Variants in RFPL2 observed in about 807,000 individuals in gnomAD.
RFPL2 encodes ret finger protein-like 2.
RFPL2 carries 13 observed loss-of-function variants against 17.8 expected under a neutral mutation model. That is an observed-to-expected ratio of 0.73 (90% confidence interval 0.47 to 1.16). The LOEUF (loss-of-function observed/expected upper bound fraction) is 1.16, where lower values mean the gene tolerates loss of function less well. Among genes scored for constraint, RFPL2 ranks in the 50% most tolerant of loss-of-function variants. RFPL2 has a pLI of 0.00. For synonymous variants in RFPL2, 189 were observed against 180.9 expected, an observed-to-expected ratio of 1.04 and a Z score of -0.36; for missense variants, 431 against 479.3, an observed-to-expected ratio of 0.90 and a Z score of 0.94.
At chr22:32,195,823 C>A (rs976587369) in intron 2 of RFPL2, among the ~76,000 whole-genome samples, 1 of 152,112 alleles carries the variant, frequency 6.6e-6, no homozygotes, top group African/African-American at 2.4e-5. Flanking sequence ...AATATGCAAT[C>A]ATGTATAAGT....
intron 2 of RFPL2, among the ~76,000 whole-genome samples, chr22:32,196,578 C>T (rs1480942534): frequency 2.0e-5 from 3 of 152,208 alleles, no homozygotes; most frequent in African/African-American, 7.2e-5. Flanking sequence ...TCCACATCCA[C>T]ATGTAAAGAC....
chr22:32,203,204 G>T, intron 1 of RFPL2: 1 of 603,348 alleles, frequency 1.7e-6, no homozygotes, highest in Non-Finnish European at 2.1e-6. Flanking sequence ...GGGCAGCGCA[G>T]CCCGGGATAA....
At chr22:32,194,593 C>T (rs1361982893) in intron 2 of RFPL2, 103 bp from the exon 3 acceptor site, 17 of 1,213,306 alleles carry the variant, frequency 1.4e-5, no homozygotes, top group Non-Finnish European at 1.9e-5. Context: ...ATTTTTCTTT[C>T]ATATGAAGGT....
chr22:32,199,750 G>C (rs1305836577), intron 2 of RFPL2, among the ~76,000 whole-genome samples: 1 of 152,224 alleles, frequency 6.6e-6, no homozygotes, highest in Non-Finnish European at 1.5e-5. Context: ...CTGAATGACA[G>C]AGATTTGTTT....
At chr22:32,202,040 C>A (rs1923967737) in intron 2 of RFPL2, among the ~76,000 whole-genome samples, 1 of 152,218 alleles carries the variant, frequency 6.6e-6, no homozygotes, top group Non-Finnish European at 1.5e-5. Context: ...GGCCGGGCTC[C>A]TTCCGGGGGC....
chr22:32,193,680 G>A (rs1246562442), intron 3 of RFPL2, among the ~76,000 whole-genome samples: 1 of 152,134 alleles, frequency 6.6e-6, no homozygotes, highest in Admixed American at 6.5e-5. Context: ...GACCAACATG[G>A]GGAAACCCCA....
chr22:32,196,776 G>A (rs2123784252), intron 2 of RFPL2, among the ~76,000 whole-genome samples: 1 of 152,314 alleles, frequency 6.6e-6, no homozygotes, highest in Non-Finnish European at 1.5e-5. Context: ...ATGTCAATGA[G>A]ACAGCAGCAT....
In RFPL2 at chr22:32,202,408, T is replaced by C. The variant is rs753786593; in HGVS notation, c.44A>G (p.Gln15Arg). 35 of 1,604,492 alleles carry C rather than the reference T, an allele frequency of 2.2e-5. No homozygotes were observed. Among genetic ancestry groups the C allele is most frequent in the Middle Eastern group, 1.7e-4 (1 of 6,046 alleles). Residue 15 changes from glutamine (Q) to arginine (R), a missense_variant, in exon 2 of 5, where the codon CAA becomes CGA. Coordinates refer to ENST00000652607, the MANE Select transcript of RFPL2 (RefSeq NM_001394555.1). Reference protein sequence around the residue: ...ELGFPETAVSQSRICLCAVLC... With the variant: ...ELGFPETAVSRSRICLCAVLC... ...TACAGCACATAGACAGATCCTGGATTGGGACACTGCAGTCTCTGGGAAGCC... is the reference window on the plus strand; with the variant it reads ...TACAGCACATAGACAGATCCTGGATCGGGACACTGCAGTCTCTGGGAAGCC...
intron 2 of RFPL2, among the ~76,000 whole-genome samples, chr22:32,195,913 C>T (rs1467416874): frequency 6.6e-6 from 1 of 152,044 alleles, no homozygotes; most frequent in South Asian, 2.1e-4. Context: ...CCGACCTCTC[C>T]CCAAGCTCCC....
chr22:32,200,021 G>A (rs1004744328), intron 2 of RFPL2: 5 of 466,170 alleles, frequency 1.1e-5, no homozygotes, highest in Admixed American at 5.1e-5. Flanking sequence ...GCTTCTACCC[G>A]GGAGCTGTGA....
At position 32,193,043 on chromosome 22, in the gene RFPL2, A is replaced by G; in HGVS notation, c.415T>C (p.Cys139Arg). 1 of 1,614,022 alleles carries G rather than the reference A, an allele frequency of 6.2e-7. No homozygotes were observed. Among genetic ancestry groups the G allele is most frequent in the Non-Finnish European group, 8.5e-7 (1 of 1,179,924 alleles). ...CGAGAGACCATGGAAGAGCAACAGC[A>G]AAGTAGATCCTCCCCATGGGGCTCC... ...QKEPHGEDLL[C>R]CCSSMVSRKN... Residue 139 changes from cysteine (C) to arginine (R), a missense_variant, in exon 4 of 5, where the codon TGC becomes CGC. By Grantham distance (180) the Cys-to-Arg change is radical. Coordinates refer to ENST00000652607, the MANE Select transcript of RFPL2 (RefSeq NM_001394555.1).
intron 2 of RFPL2, among the ~76,000 whole-genome samples, chr22:32,197,102 T>C (rs1450564848): frequency 6.6e-6 from 1 of 152,248 alleles, no homozygotes; most frequent in African/African-American, 2.4e-5. Flanking sequence ...TATAGGTTTG[T>C]CAATGCCCAG....
intron 1 of RFPL2, chr22:32,203,448 C>G (rs1412753201): frequency 6.6e-6 from 1 of 152,148 alleles, no homozygotes; most frequent in Admixed American, 6.5e-5. Context: ...GCGCCGCCAA[C>G]CCGGTACTCG....
chr22:32,191,217 A>G lies in RFPL2; in HGVS notation c.692T>C (p.Leu231Pro), dbSNP rs1390122214. ...GCCACAGGTAAAGCGAGGGGAGCCC[A>G]GGATGCAAACGGACACGTCAAATCT... ...AERFDVSVCI[L>P]GSPRFTCGRH... The change falls in exon 5 of 5, where the codon CTG becomes CCG. Residue 231 changes from leucine (L) to proline (P), a missense_variant. Leu to Pro is a moderately conservative substitution (Grantham distance 98). Transcript: ENST00000652607. 4.3e-6 allele frequency: 7 copies of G among 1,613,876 alleles called. No homozygotes were observed. The highest frequency in any genetic ancestry group is 3.4e-6 in the Non-Finnish European group (4 of 1,179,878).
chr22:32,204,823 T>C lies in RFPL2; in HGVS notation c.-216A>G, dbSNP rs954944529. 3.9e-5 allele frequency among the ~76,000 whole-genome samples: 6 copies of C among 152,228 alleles called. No individual in the cohort carries two copies. The highest frequency in any genetic ancestry group is 2.1e-4 in the South Asian group (1 of 4,828). On this transcript the variant is annotated 5_prime_UTR_variant, in exon 1 of 5. Coordinates refer to ENST00000652607, the MANE Select transcript of RFPL2 (RefSeq NM_001394555.1). ...TTCTGGACTACATGTTCAGATTGGA[T>C]GAGAGAAAAACCTCTAGGTCTACTC...
chr22:32,194,216 T>A (rs1481975132), intron 3 of RFPL2, 129 bp downstream of exon 3: 1 of 1,099,682 alleles, frequency 9.1e-7, no homozygotes, highest in African/African-American at 1.7e-5. Context: ...GGTTTCCAAC[T>A]CTGAGGCAGC....
Position 32,193,862 on chromosome 22 carries a change from C to CAAA in RFPL2, c.265+480_265+482dup, listed in dbSNP as rs136481. On this transcript the variant is annotated intron_variant, in intron 3 of 4. Transcript: ENST00000652607. ...TGGGCAACAGAGTGAGACACCATCT[C>CAAA]AAAAAAAAAAAAAAAAAAAAAAAAG... Among the ~76,000 whole-genome samples the CAAA allele has an allele frequency of 6.1e-3, 435 of 71,878 alleles. 7 individuals carry two copies. Among genetic ancestry groups the CAAA allele is most frequent in the African/African-American group, 0.022 (399 of 17,864 alleles). 47.2% of individuals were successfully genotyped at this position (71,878 alleles called of 152,430 possible).
rs774258008 is a variant in RFPL2 at position 32,193,194 on chromosome 22, T to G, written c.266-2A>C. ...CTTGGAAGAGTGCAGCCATGTCCAC[T>G]GCCAGGGGAAAAGTACACAAGGTAA... is the stretch of plus-strand genomic sequence containing the variant. On this transcript the variant is annotated splice_acceptor_variant, in intron 3 of 4. Transcript: ENST00000652607. LOFTEE classifies it high-confidence loss of function. The G allele has an allele frequency of 1.2e-6, 2 of 1,613,854 alleles. No individual in the cohort carries two copies. Among genetic ancestry groups the G allele is most frequent in the East Asian group, 2.2e-5 (1 of 44,898 alleles).
In RFPL2 at chr22:32,193,011, G is replaced by T. The variant is rs1008765873; in HGVS notation, c.447C>A (p.Asn149Lys). The change falls in exon 4 of 5, where the codon AAC (asparagine) becomes AAA (lysine). Residue 149 changes from asparagine (N) to lysine (K), a missense_variant. By Grantham distance (94) the Asn-to-Lys change is moderately conservative. Coordinates refer to ENST00000652607, the MANE Select transcript of RFPL2 (RefSeq NM_001394555.1). ...CTAGCTGCCGATTGCGCCTGATTTT[G>T]TTCTTCCGAGAGACCATGGAAGAGC... is the stretch of plus-strand genomic sequence containing the variant. Reference protein sequence around the residue: ...CCCSSMVSRKNKIRRNRQLER... With the variant: ...CCCSSMVSRKKKIRRNRQLER... 6.2e-7 allele frequency: 1 copy of T among 1,614,116 alleles called. No homozygotes were observed. The highest frequency in any genetic ancestry group is 1.7e-5 in the Admixed American group (1 of 60,012).
Sources: gnomAD v4.1 joint callset for allele counts (sites outside exome capture counted in the v4.1 genomes callset) on GRCh38, gnomAD v4.1.1 for gene constraint, MANE v1.5 for transcripts, NCBI Gene and HGNC (gene_info 2026-07-23, HGNC 2026-07-21) for gene names.